Variants in NTRK3 observed in about 807,000 individuals in gnomAD.
NTRK3 encodes the protein neurotrophic receptor tyrosine kinase 3.
Under a neutral mutation model 91.7 loss-of-function variants are expected in NTRK3, and 24 were observed. That is an observed-to-expected ratio of 0.26 (90% CI 0.19 to 0.37). The LOEUF (loss-of-function observed/expected upper bound fraction) is 0.37. NTRK3 is among the 10% of genes least tolerant of loss of function. The pLI is 1.00. For synonymous variants in NTRK3, 483 were observed against 404.0 expected (o/e 1.20, Z -2.34); for missense variants, 880 against 1,068.9 (o/e 0.82, Z 2.46).
intron 13 of NTRK3, among the ~76,000 whole-genome samples, chr15:88,106,750 G>A (rs1441634995): frequency 1.3e-5 from 2 of 152,120 alleles, no homozygotes. Context: ...GACCAACATG[G>A]TGAAACCCTG....
intron 13 of NTRK3, among the ~76,000 whole-genome samples, chr15:88,069,993 A>G (rs2046970290): frequency 6.6e-6 from 1 of 152,198 alleles, no homozygotes; most frequent in Admixed American, 6.5e-5. Context: ...TTGTTACTGC[A>G]GAACATGTTG....
intron 15 of NTRK3, among the ~76,000 whole-genome samples, chr15:87,934,621 C>T (rs1323922113): frequency 2.0e-5 from 3 of 152,160 alleles, no homozygotes; most frequent in Non-Finnish European, 4.4e-5. Flanking sequence ...CAGCCCTTAG[C>T]ACACACCAGA....
chr15:88,115,532 G>C (rs959204243), intron 13 of NTRK3, among the ~76,000 whole-genome samples: 4 of 152,242 alleles, frequency 2.6e-5, no homozygotes, highest in Admixed American at 6.5e-5. Flanking sequence ...CTGGCAGATA[G>C]ACAGATGCTG....
chr15:88,157,449 G>A (rs1348384178), intron 5 of NTRK3, among the ~76,000 whole-genome samples: 1 of 152,056 alleles, frequency 6.6e-6, no homozygotes, highest in East Asian at 1.9e-4. Context: ...TGCTGCCTCG[G>A]CAGGGCCCAT....
chr15:87,998,665 C>A (rs944807378), intron 14 of NTRK3, among the ~76,000 whole-genome samples: 2 of 152,200 alleles, frequency 1.3e-5, no homozygotes, highest in Non-Finnish European at 1.5e-5. Context: ...TAATCAGAAT[C>A]TTTCCTGGAT....
chr15:88,006,157 G>C (rs1344375045), intron 14 of NTRK3, among the ~76,000 whole-genome samples: 1 of 152,080 alleles, frequency 6.6e-6, no homozygotes, highest in East Asian at 1.9e-4. Flanking sequence ...CAAGCACCAG[G>C]GTGGATGATT....
intron 13 of NTRK3, among the ~76,000 whole-genome samples, chr15:88,053,950 C>CTATCTAAT (rs1184202647): frequency 2.8e-4 from 42 of 152,304 alleles, no homozygotes; most frequent in Non-Finnish European, 5.7e-4. Context: ...TATGACACTA[C>CTATCTAAT]AGGAAGCTGA....
intron 11 of NTRK3, among the ~76,000 whole-genome samples, chr15:88,127,580 A>AG (rs1221353224): frequency 6.6e-6 from 1 of 152,226 alleles, no homozygotes; most frequent in Non-Finnish European, 1.5e-5. Context: ...GATCCTGGCC[A>AG]GGGTCTGGAT....
intron 13 of NTRK3, among the ~76,000 whole-genome samples, chr15:88,123,220 G>C (rs2052922333): frequency 6.6e-6 from 1 of 152,212 alleles, no homozygotes; most frequent in African/African-American, 2.4e-5. Flanking sequence ...GCAACCCAGT[G>C]AGGGAGGTAG....
rs921611975 is a variant in NTRK3 at position 88,233,607 on chromosome 15, C to G, written c.248+22299G>C. Among the ~76,000 whole-genome samples, 4 of 152,268 alleles carry G rather than the reference C, an allele frequency of 2.6e-5. No individual in the cohort carries two copies. Among genetic ancestry groups the G allele is most frequent in the African/African-American group, 7.2e-5 (3 of 41,554 alleles). On this transcript the variant is annotated intron_variant, in intron 3 of 18. Transcript: ENST00000394480. The surrounding 1 kb of genome is among the most constrained non-coding windows in gnomAD (Gnocchi z 4.2). ...GCAGGCTAGCCCTACTGTCCTGAAA[C>G]TCCAAAACTCTCTTCCTTCCACAAA...
At chr15:87,912,931 A>AAAAAAT (rs1484111389) in intron 17 of NTRK3, among the ~76,000 whole-genome samples, 2 of 36,498 alleles carry the variant, frequency 5.5e-5, no homozygotes, top group East Asian at 1.6e-3. Context: ...AGTAAAAAAA[A>AAAAAAT]ATATATATAT....
chr15:87,885,114 C>T (rs2065464727), intron 17 of NTRK3, among the ~76,000 whole-genome samples: 1 of 151,828 alleles, frequency 6.6e-6, no homozygotes, highest in Non-Finnish European at 1.5e-5. Flanking sequence ...TTCTCACATG[C>T]CGGTGGCAAT....
chr15:87,907,851 C>T (rs768704129), intron 17 of NTRK3, among the ~76,000 whole-genome samples: 2 of 152,232 alleles, frequency 1.3e-5, no homozygotes, highest in Middle Eastern at 3.4e-3. Flanking sequence ...CATCTCCCTG[C>T]CAGAAATTAC....
intron 17 of NTRK3, among the ~76,000 whole-genome samples, chr15:87,913,204 T>A (rs918777649): frequency 1.3e-5 from 2 of 151,864 alleles, no homozygotes; most frequent in Non-Finnish European, 2.9e-5. Context: ...AATTCAGAAT[T>A]TGGGGATGCT....
intron 13 of NTRK3, among the ~76,000 whole-genome samples, chr15:88,036,108 CTT>C (rs2079047519): frequency 6.6e-6 from 1 of 152,104 alleles, no homozygotes; most frequent in African/African-American, 2.4e-5. Context: ...AACTGAAAAA[CTT>C]TTGGAAATTT....
chr15:87,979,400 C>T, intron 14 of NTRK3: 1 of 1,613,914 alleles, frequency 6.2e-7, no homozygotes, highest in Non-Finnish European at 8.5e-7. Context: ...AACATAGATG[C>T]CATGGTTAAG....
chr15:87,902,964 A>G (rs1596167383), intron 17 of NTRK3, among the ~76,000 whole-genome samples: 2 of 151,796 alleles, frequency 1.3e-5, no homozygotes, highest in African/African-American at 4.8e-5. Context: ...TTCACTGGCC[A>G]TAAAGCCTCA....
chr15:87,977,412 C>T, intron 14 of NTRK3: 1 of 208,014 alleles, frequency 4.8e-6, no homozygotes, highest in Non-Finnish European at 9.8e-6. Flanking sequence ...ACTGAACACT[C>T]CTATAAGTCT....
chr15:88,194,487 G>A (rs1260590307), intron 3 of NTRK3, among the ~76,000 whole-genome samples: 2 of 152,194 alleles, frequency 1.3e-5, no homozygotes, highest in African/African-American at 4.8e-5. Context: ...TCATGGAGTT[G>A]TCCCAGACAA....
Sources: gnomAD v4.1 joint callset for allele counts (sites outside exome capture counted in the v4.1 genomes callset) on GRCh38, gnomAD v4.1.1 for gene constraint, Gnocchi (gnomAD v3.1) non-coding constraint, MANE v1.5 for transcripts, NCBI Gene and HGNC (gene_info 2026-07-23, HGNC 2026-07-21) for gene names.